Variants in ST6GALNAC5 observed in about 807,000 individuals in gnomAD.
The protein encoded by ST6GALNAC5 is ST6 N-acetylgalactosaminide alpha-2,6-sialyltransferase 5.
Under a neutral mutation model 33.6 loss-of-function variants are expected in ST6GALNAC5, and 27 were observed. The ratio of observed to expected loss-of-function variants is 0.80; its 90% CI spans 0.59 to 1.11. The LOEUF is 1.11. Among genes scored for constraint, ST6GALNAC5 ranks in the 50% least tolerant of loss-of-function variants. The pLI is 0.00. For synonymous variants in ST6GALNAC5, 194 were observed against 171.2 expected (o/e 1.13, Z -1.04); for missense variants, 428 against 454.0 (o/e 0.94, Z 0.52).
intron 2 of ST6GALNAC5, among the ~76,000 whole-genome samples, chr1:76,971,216 GT>G (rs1158571760): frequency 6.6e-6 from 1 of 152,158 alleles, no homozygotes; most frequent in Non-Finnish European, 1.5e-5. Context: ...AAAATTAAAT[GT>G]TTGCTAAATA....
intron 2 of ST6GALNAC5, among the ~76,000 whole-genome samples, chr1:76,915,878 A>C (rs1557721721): frequency 1.4e-5 from 2 of 140,154 alleles, no homozygotes; most frequent in South Asian, 2.2e-4. Context: ...AAAATAACAA[A>C]AAAAAAACAA....
chr1:76,992,032 C>T (rs1306475860), intron 2 of ST6GALNAC5, among the ~76,000 whole-genome samples: 1 of 151,956 alleles, frequency 6.6e-6, no homozygotes, highest in Non-Finnish European at 1.5e-5. Flanking sequence ...AAAAGGAAAT[C>T]AACAATTTCT....
intron 2 of ST6GALNAC5, among the ~76,000 whole-genome samples, chr1:77,030,301 C>CT (rs771921559): frequency 5.2e-4 from 79 of 152,190 alleles, no homozygotes; most frequent in Non-Finnish European, 7.3e-4. Flanking sequence ...GGCCTCAGCA[C>CT]TGACACTAGC....
chr1:76,955,236 G>A (rs1647909344), intron 2 of ST6GALNAC5, among the ~76,000 whole-genome samples: 1 of 152,104 alleles, frequency 6.6e-6, no homozygotes, highest in Non-Finnish European at 1.5e-5. Flanking sequence ...TGTGGTCCAG[G>A]CAGAGGTTTG....
At chr1:76,977,492 G>A (rs140105992) in intron 2 of ST6GALNAC5, among the ~76,000 whole-genome samples, 1 of 152,194 alleles carries the variant, frequency 6.6e-6, no homozygotes, top group East Asian at 1.9e-4. Context: ...ACCTTCCCCA[G>A]CCTCTGATAA....
chr1:76,932,772 A>G (rs1647157852), intron 2 of ST6GALNAC5, among the ~76,000 whole-genome samples: 1 of 152,056 alleles, frequency 6.6e-6, no homozygotes, highest in African/African-American at 2.4e-5. Flanking sequence ...TTGGCTGACA[A>G]ACTAGGCTTG....
intron 2 of ST6GALNAC5, among the ~76,000 whole-genome samples, chr1:76,962,910 C>T (rs138967804): frequency 6.6e-6 from 1 of 152,126 alleles, no homozygotes. Context: ...TTACCAAGAG[C>T]ATTGAAGGAA....
chr1:76,951,513 A>G (rs1438433441), intron 2 of ST6GALNAC5, among the ~76,000 whole-genome samples: 2 of 152,156 alleles, frequency 1.3e-5, no homozygotes, highest in African/African-American at 2.4e-5. Context: ...GAGGGATGGC[A>G]TTAGGAGAAA....
chr1:76,896,844 C>A (rs1570649309), intron 2 of ST6GALNAC5, among the ~76,000 whole-genome samples: 1 of 152,122 alleles, frequency 6.6e-6, no homozygotes, highest in Non-Finnish European at 1.5e-5. Flanking sequence ...AGTATTAAAG[C>A]AGTGGCAGCC....
chr1:77,041,704 G>A (rs1413495546), intron 2 of ST6GALNAC5, among the ~76,000 whole-genome samples: 1 of 152,114 alleles, frequency 6.6e-6, no homozygotes, highest in African/African-American at 2.4e-5. Flanking sequence ...CTGGACATCT[G>A]GAATGTGGCA....
intron 2 of ST6GALNAC5, among the ~76,000 whole-genome samples, chr1:76,966,169 T>C (rs1185631704): frequency 2.6e-5 from 4 of 152,232 alleles, no homozygotes; most frequent in African/African-American, 7.2e-5. Flanking sequence ...GGGGATGGCA[T>C]TGAATCTATA....
chr1:77,029,427 A>G (rs1441172735), intron 2 of ST6GALNAC5, among the ~76,000 whole-genome samples: 7 of 152,202 alleles, frequency 4.6e-5, no homozygotes, highest in Admixed American at 4.6e-4. Context: ...TGTCACGTTC[A>G]ATGTGTGGCT....
intron 2 of ST6GALNAC5, among the ~76,000 whole-genome samples, chr1:77,026,985 C>T (rs1034485797): frequency 2.6e-5 from 4 of 152,172 alleles, no homozygotes; most frequent in African/African-American, 4.8e-5. Flanking sequence ...ATGTTTTCCC[C>T]AGTGTAGGTG....
chr1:76,909,771 G>C (rs1182382100), intron 2 of ST6GALNAC5, among the ~76,000 whole-genome samples: 1 of 151,896 alleles, frequency 6.6e-6, no homozygotes, highest in Non-Finnish European at 1.5e-5. Flanking sequence ...AAAATAAATT[G>C]GACAAATAAT....
chr1:77,022,662 A>G (rs1214588832), intron 2 of ST6GALNAC5, among the ~76,000 whole-genome samples: 1 of 152,230 alleles, frequency 6.6e-6, no homozygotes, highest in Non-Finnish European at 1.5e-5. Context: ...TTTGCATTTT[A>G]ACTTAAAAAT....
chr1:77,034,769 T>G (rs1051718120), intron 2 of ST6GALNAC5, among the ~76,000 whole-genome samples: 5 of 152,186 alleles, frequency 3.3e-5, no homozygotes, highest in African/African-American at 1.2e-4. Context: ...TCCTTCTTAT[T>G]TGTCTGTTTC....
At chr1:77,019,244 G>C (rs1650964630) in intron 2 of ST6GALNAC5, among the ~76,000 whole-genome samples, 1 of 152,138 alleles carries the variant, frequency 6.6e-6, no homozygotes. Context: ...CTTCTCTCTA[G>C]ATAGAATATA....
chr1:77,030,968 C>T (rs1165359216), intron 2 of ST6GALNAC5, among the ~76,000 whole-genome samples: 1 of 152,072 alleles, frequency 6.6e-6, no homozygotes, highest in African/African-American at 2.4e-5. Context: ...GGGCAGTCTG[C>T]CTAAGAGTTT....
At chr1:77,004,459 AT>A (rs1364060610) in intron 2 of ST6GALNAC5, among the ~76,000 whole-genome samples, 1 of 143,168 alleles carries the variant, frequency 7.0e-6, no homozygotes, top group African/African-American at 2.5e-5. Flanking sequence ...GCTCAGAGTA[AT>A]TTGATCGTCT....
Sources: allele counts gnomAD v4.1 joint callset (sites outside exome capture counted in the v4.1 genomes callset), GRCh38; gene constraint gnomAD v4.1.1; transcripts MANE v1.5; gene names NCBI Gene and HGNC (gene_info 2026-07-23, HGNC 2026-07-21).